The following CCDC85A variants were observed in gnomAD, a reference collection of about 807,000 sequenced individuals.
CCDC85A encodes coiled-coil domain containing 85A.
In CCDC85A, 38 loss-of-function variants were observed where a neutral mutation model predicts 50.2. That is an observed-to-expected ratio of 0.76 (90% CI 0.58 to 0.99). CCDC85A has a LOEUF of 0.99. Among genes scored for constraint, CCDC85A ranks in the 50% least tolerant of loss-of-function variants. The probability of loss-of-function intolerance (pLI) is 0.00; values close to 1 mark genes in which losing one functional copy is unlikely to be tolerated. For missense variants in CCDC85A, 820 were observed against 742.0 expected (o/e 1.11, Z -1.22); for synonymous variants, 366 against 301.4 (o/e 1.21, Z -2.22).
intron 2 of CCDC85A, among the ~76,000 whole-genome samples, chr2:56,244,420 C>T (rs1404597074): frequency 6.6e-6 from 1 of 151,972 alleles, no homozygotes; most frequent in Non-Finnish European, 1.5e-5. Context: ...TTTCAGTCAA[C>T]TTGTGCTGAA....
At chr2:56,205,791 T>C (rs1397202502) in intron 2 of CCDC85A, among the ~76,000 whole-genome samples, 1 of 152,154 alleles carries the variant, frequency 6.6e-6, no homozygotes, top group Non-Finnish European at 1.5e-5. Context: ...AGCATGGTAG[T>C]AGGTATTATG....
intron 3 of CCDC85A, among the ~76,000 whole-genome samples, chr2:56,359,298 T>C (rs926196316): frequency 1.3e-5 from 2 of 152,192 alleles, no homozygotes; most frequent in African/African-American, 4.8e-5. Flanking sequence ...AGCTTTAGGC[T>C]GAGAACTTTT....
chr2:56,203,393 A>C (rs942875975), intron 2 of CCDC85A, among the ~76,000 whole-genome samples: 1 of 151,566 alleles, frequency 6.6e-6, no homozygotes, highest in Non-Finnish European at 1.5e-5. Flanking sequence ...TCTCTTTAGC[A>C]CTTAAATGGA....
chr2:56,278,865 G>A (rs1477508487), intron 2 of CCDC85A, among the ~76,000 whole-genome samples: 2 of 152,182 alleles, frequency 1.3e-5, no homozygotes, highest in Admixed American at 6.5e-5. Context: ...GAGCCTCCGC[G>A]CCAGACACTG....
intron 3 of CCDC85A, among the ~76,000 whole-genome samples, chr2:56,368,733 C>T (rs10171458): frequency 0.11 from 16,283 of 151,786 alleles, 881 homozygotes; most frequent in African/African-American, 0.12. Context: ...AAGTGAGAAA[C>T]TATTTTATGT....
At position 56,228,750 on chromosome 2, in the gene CCDC85A, C is replaced by G. The variant is rs13391753; in HGVS notation, c.1240+35310C>G. Among the ~76,000 whole-genome samples the G allele has an allele frequency of 3.9e-3, 598 of 152,074 alleles. 2 individuals are homozygous for G. Among genetic ancestry groups the G allele is most frequent in the African/African-American group, 9.1e-3 (379 of 41,494 alleles). On this transcript the variant is annotated intron_variant, in intron 2 of 5. Coordinates refer to ENST00000407595, the MANE Select transcript of CCDC85A (RefSeq NM_001080433.2). ...CGGTTTCACTGTGTTAGCCAGGATG[C>G]TCTCAATCTCCTGACCTAGTGATCC...
At chr2:56,330,744 T>C (rs906878816) in intron 2 of CCDC85A, among the ~76,000 whole-genome samples, 5 of 152,174 alleles carry the variant, frequency 3.3e-5, no homozygotes, top group African/African-American at 1.2e-4. Flanking sequence ...AAAAACTCTT[T>C]CCTTTGGGAA....
intron 2 of CCDC85A, among the ~76,000 whole-genome samples, chr2:56,194,470 G>A (rs1676449377): frequency 6.6e-6 from 1 of 152,186 alleles, no homozygotes; most frequent in African/African-American, 2.4e-5. Context: ...GAAAATATCT[G>A]AGGGTTTTTG....
chr2:56,330,150 A>G (rs1673711201), intron 2 of CCDC85A, among the ~76,000 whole-genome samples: 1 of 151,950 alleles, frequency 6.6e-6, no homozygotes, highest in African/African-American at 2.4e-5. Context: ...AACAGCAGCA[A>G]CATAACAGTG....
chr2:56,294,437 C>G (rs1309245964), intron 2 of CCDC85A, among the ~76,000 whole-genome samples: 3 of 152,166 alleles, frequency 2.0e-5, no homozygotes, highest in Admixed American at 1.3e-4. Flanking sequence ...TATACCATAA[C>G]TTAAATAAAA....
chr2:56,380,629 AAAAT>A (rs199877999), intron 5 of CCDC85A, among the ~76,000 whole-genome samples: 4 of 151,560 alleles, frequency 2.6e-5, no homozygotes, highest in African/African-American at 9.7e-5. Context: ...CCACAGTAAA[AAAAT>A]AAATAAATAA....
chr2:56,194,999 G>C (rs950391408), intron 2 of CCDC85A, among the ~76,000 whole-genome samples: 5 of 152,178 alleles, frequency 3.3e-5, no homozygotes, highest in Admixed American at 1.3e-4. Context: ...TTGAAGAGGG[G>C]ATAGTGGAGT....
intron 2 of CCDC85A, among the ~76,000 whole-genome samples, chr2:56,228,741 G>C (rs2103929853): frequency 6.6e-6 from 1 of 152,132 alleles, no homozygotes; most frequent in Middle Eastern, 3.4e-3. Context: ...CACTGTGTTA[G>C]CCAGGATGCT....
chr2:56,300,369 A>G (rs1672145388), intron 2 of CCDC85A, among the ~76,000 whole-genome samples: 2 of 152,346 alleles, frequency 1.3e-5, no homozygotes, highest in South Asian at 2.1e-4. Flanking sequence ...GATTTCAGAT[A>G]TAGGCTGTTA....
At chr2:56,319,874 C>A in intron 2 of CCDC85A, among the ~76,000 whole-genome samples, 1 of 152,100 alleles carries the variant, frequency 6.6e-6, no homozygotes, top group African/African-American at 2.4e-5. Context: ...CCAAAATTGA[C>A]CACATAGTTG....
rs150423603 is a variant in CCDC85A, at chr2:56,330,738, A to T, written c.1241-12141A>T. Among the ~76,000 whole-genome samples the T allele has an allele frequency of 1.4e-4, 21 of 151,698 alleles. No individual in the cohort carries two copies. In the East Asian group the frequency reaches 4.1e-3, roughly 29 times the overall value. On this transcript the variant is annotated intron_variant, in intron 2 of 5. Coordinates refer to ENST00000407595, the MANE Select transcript of CCDC85A (RefSeq NM_001080433.2). Reference sequence around the variant, plus strand: ...AAATGCCATTTCCCCCATTTGAAAAACTCTTTCCTTTGGGAACACTTATGT... The same window carrying T: ...AAATGCCATTTCCCCCATTTGAAAATCTCTTTCCTTTGGGAACACTTATGT...
At position 56,184,130 on chromosome 2, in the gene CCDC85A, G is replaced by A. The variant is rs1455180690; in HGVS notation, c.-495G>A. On this transcript the variant is annotated 5_prime_UTR_variant, in exon 1 of 6. Transcript: ENST00000407595. ...GCTAGAGCAGCCGGGGAGGCGCCGC[G>A]GTGCCCGGCGCGCCCTCCAAGCTAG... is the stretch of plus-strand genomic sequence containing the variant. 26 of 985,382 alleles carry A rather than the reference G, an allele frequency of 2.6e-5. No individual in the cohort carries two copies. The highest frequency in any genetic ancestry group is 3.0e-5 in the Non-Finnish European group (25 of 830,114). The allele number at this position is 985,382 out of a possible 1,614,324, so 61.0% of individuals were successfully genotyped here.
chr2:56,322,447 G>GA (rs1181231259), intron 2 of CCDC85A, among the ~76,000 whole-genome samples: 1 of 152,022 alleles, frequency 6.6e-6, no homozygotes, highest in Non-Finnish European at 1.5e-5. Context: ...AGATTTACAA[G>GA]AAAAAATCAA....
At chr2:56,253,519 C>T (rs1478727630) in intron 2 of CCDC85A, among the ~76,000 whole-genome samples, 1 of 152,128 alleles carries the variant, frequency 6.6e-6, no homozygotes, top group Non-Finnish European at 1.5e-5. Flanking sequence ...ATCCTAAAAG[C>T]AGCTGAGTTA....
Sources: gnomAD v4.1 joint callset for allele counts (sites outside exome capture counted in the v4.1 genomes callset) on GRCh38, gnomAD v4.1.1 for gene constraint, MANE v1.5 for transcripts, NCBI Gene and HGNC (gene_info 2026-07-23, HGNC 2026-07-21) for gene names.